The following SF3B3 variants were observed in gnomAD, a reference collection of about 807,000 sequenced individuals.
The protein encoded by SF3B3 is splicing factor 3b subunit 3, also known as SAP 130.
Under a neutral mutation model 139.2 loss-of-function variants are expected in SF3B3, and 33 were observed. The ratio of observed to expected loss-of-function variants is 0.24; its 90% confidence interval spans 0.18 to 0.32. SF3B3 has a LOEUF of 0.32. SF3B3 is among the 10% of genes least tolerant of loss of function. The pLI, the probability that SF3B3 is intolerant of heterozygous loss-of-function variation, is 1.00. For missense variants in SF3B3, 818 were observed against 1,509.4 expected, an observed-to-expected ratio of 0.54 and a Z score of 7.59; for synonymous variants, 596 against 563.6, an observed-to-expected ratio of 1.06 and a Z score of -0.81.
chr16:70,530,722 T>C, intron 3 of SF3B3, 23 bp from the exon 4 acceptor site: 3 of 1,589,802 alleles, frequency 1.9e-6, no homozygotes, highest in Non-Finnish European at 2.6e-6. Flanking sequence ...GAATCTTGTA[T>C]GTTTTATCTC....
chr16:70,566,155 C>A (rs945146482), intron 20 of SF3B3, among the ~76,000 whole-genome samples: 2 of 151,606 alleles, frequency 1.3e-5, no homozygotes, highest in Non-Finnish European at 1.5e-5. Flanking sequence ...CACCTGCATT[C>A]TCTGGGAAGT....
chr16:70,538,167 TG>T (rs2050186540), intron 6 of SF3B3, 155 bp from the exon 7 acceptor site: 1 of 766,884 alleles, frequency 1.3e-6, no homozygotes, highest in Admixed American at 1.8e-5. Flanking sequence ...TTTTGAGCTG[TG>T]GGGTTCCAGT....
chr16:70,535,206 A>G (rs1266951294), intron 5 of SF3B3, 102 bp from the exon 6 acceptor site: 9 of 582,938 alleles, frequency 1.5e-5, no homozygotes, highest in African/African-American at 3.8e-5. Context: ...AGCATCAGGC[A>G]CATTACCATC....
chr16:70,568,198 G>T (rs1009395291), intron 21 of SF3B3, 85 bp from the exon 22 acceptor site: 7 of 1,018,952 alleles, frequency 6.9e-6, no homozygotes, highest in East Asian at 4.8e-5. Flanking sequence ...CTGACCCTAC[G>T]TATGTCATAC....
chr16:70,554,335 C>A, intron 11 of SF3B3, 111 bp from the exon 12 acceptor site: 1 of 988,210 alleles, frequency 1.0e-6, no homozygotes, highest in Non-Finnish European at 1.5e-6. Context: ...GTAATAACTA[C>A]ACATAGAAGA....
At chr16:70,532,392 C>A in intron 4 of SF3B3, 87 bp from the exon 5 acceptor site, 1 of 948,258 alleles carries the variant, frequency 1.1e-6, no homozygotes, top group Non-Finnish European at 1.5e-6. Flanking sequence ...ACTTCTGTTT[C>A]CTCATTTGTA....
intron 4 of SF3B3, among the ~76,000 whole-genome samples, chr16:70,532,032 A>G (rs8043995): frequency 0.39 from 59,829 of 152,084 alleles, 12,328 homozygotes; most frequent in South Asian, 0.65. Flanking sequence ...ACAGTGGCTC[A>G]CGCCTGTAAT....
intron 6 of SF3B3, 26 bp from the exon 7 acceptor site, chr16:70,538,297 A>C: frequency 6.2e-7 from 1 of 1,608,848 alleles, no homozygotes; most frequent in Non-Finnish European, 8.5e-7. Context: ...TTTCTAAGAC[A>C]TTGATTGTGT....
chr16:70,570,227 C>T (rs1461590023), intron 24 of SF3B3, 78 bp downstream of exon 24: 1 of 1,315,578 alleles, frequency 7.6e-7, no homozygotes, highest in African/African-American at 1.5e-5. Context: ...AGGTCAAATT[C>T]ATTTGTCCCC....
rs139505083 is a variant in SF3B3 at position 70,560,325 on chromosome 16, G to A, written c.2011-144G>A. Reference sequence around the variant, plus strand: ...TGAGAGAATGAAATGAATGGCTATCGGATTATTAGGATCTTTTTTAAACAC... The same window carrying A: ...TGAGAGAATGAAATGAATGGCTATCAGATTATTAGGATCTTTTTTAAACAC... On this transcript the variant is annotated intron_variant, in intron 15 of 25. Transcript: ENST00000302516. The A allele has an allele frequency of 1.4e-3, 1,050 of 736,558 alleles. 14 individuals carry two copies. The African/African-American group carries it at 0.017, about 12-fold the overall frequency. The allele number at this position is 736,558 out of a possible 1,614,324, so 45.6% of individuals were successfully genotyped here. A position where few individuals can be genotyped will look rare whatever the true frequency, so the allele number is the denominator to read the frequency against.
chr16:70,565,883 G>A (rs2050470870), intron 20 of SF3B3, among the ~76,000 whole-genome samples: 3 of 152,132 alleles, frequency 2.0e-5, no homozygotes, highest in Admixed American at 2.0e-4. Context: ...TTGGGAGGCC[G>A]AGGCAGGCAG....
At chr16:70,570,274 A>G (rs2050515658) in intron 24 of SF3B3, 125 bp downstream of exon 24, 1 of 966,066 alleles carries the variant, frequency 1.0e-6, no homozygotes, top group Non-Finnish European at 1.5e-6. Flanking sequence ...TTATAAAGTG[A>G]CAGAAGTACT....
At chr16:70,543,569 A>T (rs1173794940) in intron 9 of SF3B3, among the ~76,000 whole-genome samples, 2 of 152,060 alleles carry the variant, frequency 1.3e-5, no homozygotes, top group African/African-American at 4.8e-5. Flanking sequence ...CTAGCAGGGC[A>T]TGGTGGTGGG....
At chr16:70,566,932 C>T (rs1307596830) in intron 20 of SF3B3, among the ~76,000 whole-genome samples, 5 of 152,046 alleles carry the variant, frequency 3.3e-5, no homozygotes, top group Admixed American at 2.0e-4. Flanking sequence ...TGCCTGTAGT[C>T]CCAGCTACTC....
rs1473572921 is a variant in SF3B3 at position 70,572,063 on chromosome 16, C to G, written c.*250C>G. The G allele has an allele frequency of 1.6e-6, 1 of 640,842 alleles. No individual in the cohort carries two copies. Among genetic ancestry groups the G allele is most frequent in the Non-Finnish European group, 2.9e-6 (1 of 346,110 alleles). The allele number at this position is 640,842 out of a possible 1,614,324, so 39.7% of individuals were successfully genotyped here. On this transcript the variant is annotated 3_prime_UTR_variant, in exon 26 of 26. Transcript: ENST00000302516. ...CATGACCCCAGGTTCCAGTGTAGAA[C>G]CTGAGTCCCCCATTCCCCAAAGCCA...
Position 70,565,196 on chromosome 16 carries a change from G to A in SF3B3, c.2595G>A (p.Val865=). 1 of 1,614,192 alleles carries A rather than the reference G, an allele frequency of 6.2e-7. No individual in the cohort carries two copies. The highest frequency in any genetic ancestry group is 8.5e-7 in the Non-Finnish European group (1 of 1,180,044). ...PKAGNGQWAS[V]IRVMNPIQGN... The stretch of plus-strand genomic sequence containing the variant: ...CTGGCAATGGGCAGTGGGCCTCTGT[G>A]ATCCGAGTGATGAATCCCATTCAAG... Residue 865 remains valine (V), a synonymous_variant, in exon 19 of 26, where the codon GTG becomes GTA. Coordinates refer to ENST00000302516, the MANE Select transcript of SF3B3 (RefSeq NM_012426.5).
chr16:70,535,632 A>C (rs2050159084), intron 6 of SF3B3, among the ~76,000 whole-genome samples: 1 of 152,192 alleles, frequency 6.6e-6, no homozygotes, highest in Admixed American at 6.5e-5. Flanking sequence ...ATTAAAACTA[A>C]TCTAATTTCT....
chr16:70,564,019 C>T lies in SF3B3; in HGVS notation c.2432C>T (p.Thr811Met), dbSNP rs752707826. The T allele has an allele frequency of 2.5e-5, 40 of 1,613,874 alleles. No individual in the cohort carries two copies. The highest frequency in any genetic ancestry group is 3.3e-5 in the Admixed American group (2 of 59,990). Residue 811 changes from threonine (T) to methionine (M), a missense_variant, in exon 18 of 26, where the codon ACG becomes ATG. By Grantham distance (81) the Thr-to-Met change is moderately conservative (BLOSUM62 -1). This residue lies in a region of SF3B3 where 25 missense variants were observed against 68.1 expected (regional missense o/e 0.37). Transcript: ENST00000302516. ...GACCACAATGCCTACACTGAGGCCACGAAAGCTCAGAGAAAGCAGCAGATG... is the reference window on the plus strand; with the variant it reads ...GACCACAATGCCTACACTGAGGCCATGAAAGCTCAGAGAAAGCAGCAGATG... ...ETDHNAYTEA[T>M]KAQRKQQMAE...
intron 9 of SF3B3, among the ~76,000 whole-genome samples, chr16:70,542,293 A>G (rs1458896893): frequency 3.3e-5 from 5 of 152,246 alleles, no homozygotes; most frequent in Non-Finnish European, 7.3e-5. Context: ...ACCTCTTGTC[A>G]TGTAACAGTC....
Sources: gnomAD v4.1 joint callset for allele counts (sites outside exome capture counted in the v4.1 genomes callset) on GRCh38, gnomAD v4.1.1 for gene constraint, gnomAD v4.1.1 regional missense constraint, MANE v1.5 for transcripts, NCBI Gene and HGNC (gene_info 2026-07-23, HGNC 2026-07-21) for gene names.